Variants in AQP11 observed in about 807,000 individuals in gnomAD.
AQP11 encodes the protein aquaporin-11.
In AQP11, 20 loss-of-function variants were observed where a neutral mutation model predicts 21.1. That is an observed-to-expected ratio of 0.95 (90% confidence interval 0.67 to 1.38). The LOEUF is 1.38. Ranked by LOEUF, AQP11 falls within the 40% of genes most tolerant of loss-of-function variation. AQP11 has a pLI of 0.00. For synonymous variants in AQP11, 167 were observed against 150.1 expected, an observed-to-expected ratio of 1.11 and a Z score of -0.82; for missense variants, 339 against 340.4, an observed-to-expected ratio of 1.00 and a Z score of 0.03.
intron 1 of AQP11, among the ~76,000 whole-genome samples, chr11:77,596,570 A>ATATATATATATATATATATATTT (rs1244485699): frequency 7.4e-6 from 1 of 136,008 alleles, no homozygotes; most frequent in Non-Finnish European, 1.6e-5. Context: ...ATATGTATGT[A>ATATATATATATATATATATATTT]ATGGTTAAGG....
intron 1 of AQP11, among the ~76,000 whole-genome samples, chr11:77,595,030 T>TATG (rs773084603): frequency 1.3e-5 from 2 of 152,190 alleles, no homozygotes; most frequent in African/African-American, 2.4e-5. Context: ...ATTCATTTTT[T>TATG]ATGCATAATT....
intron 1 of AQP11, among the ~76,000 whole-genome samples, chr11:77,594,964 CCTTA>C (rs1339970716): frequency 1.3e-5 from 2 of 151,846 alleles, no homozygotes; most frequent in African/African-American, 4.8e-5. Context: ...AGCAAATCTT[CCTTA>C]CTTTGGGTTC....
In AQP11 at chr11:77,590,472, A is replaced by C; in HGVS notation, c.480A>C (p.Arg160=). The change falls in exon 1 of 3, where the codon CGA becomes CGC. Residue 160 remains arginine (R), a synonymous_variant. Coordinates refer to ENST00000313578, the MANE Select transcript of AQP11 (RefSeq NM_173039.3). Reference sequence around the variant, plus strand: ...GCTTCGCTTGCAAGAATCCCATCCGAGTCGACTTGCTCAAAGCGGTCATCA... The same window carrying C: ...GCTTCGCTTGCAAGAATCCCATCCGCGTCGACTTGCTCAAAGCGGTCATCA... ...ERSFACKNPI[R]VDLLKAVITE... 1.2e-6 allele frequency: 2 copies of C among 1,614,120 alleles called. No homozygotes were observed. The highest frequency in any genetic ancestry group is 1.7e-6 in the Non-Finnish European group (2 of 1,180,020).
intron 2 of AQP11, among the ~76,000 whole-genome samples, chr11:77,603,936 T>C (rs990380063): frequency 4.7e-5 from 5 of 105,524 alleles, no homozygotes; most frequent in African/African-American, 1.7e-4. Flanking sequence ...CCTTCAAAAA[T>C]AATCTTTTTT....
intron 1 of AQP11, among the ~76,000 whole-genome samples, chr11:77,596,892 T>C (rs1186479115): frequency 2.6e-5 from 4 of 151,754 alleles, no homozygotes; most frequent in Non-Finnish European, 5.9e-5. Context: ...GCCCTTAGGC[T>C]GAATACTTAT....
chr11:77,593,488 T>C (rs1269749156), intron 1 of AQP11, among the ~76,000 whole-genome samples: 1 of 152,016 alleles, frequency 6.6e-6, no homozygotes, highest in Non-Finnish European at 1.5e-5. Flanking sequence ...TACAAAAAAA[T>C]TAGCCAGGCA....
chr11:77,609,402 T>A lies in AQP11; in HGVS notation c.*25T>A. On this transcript the variant is annotated 3_prime_UTR_variant, in exon 3 of 3. Transcript: ENST00000313578. ...ACTGTTCCAAAGACTCAGACTAACA[T>A]ACAGGACAGTCCAGCTGGATGTGAT... 6.4e-7 allele frequency: 1 copy of A among 1,565,548 alleles called. No individual in the cohort carries two copies. Among genetic ancestry groups the A allele is most frequent in the Non-Finnish European group, 8.8e-7 (1 of 1,140,530 alleles).
chr11:77,599,825 A>G (rs900339347), intron 1 of AQP11, among the ~76,000 whole-genome samples: 9 of 151,992 alleles, frequency 5.9e-5, no homozygotes, highest in East Asian at 3.9e-4. Flanking sequence ...GACTCAACCA[A>G]TCCGCCCATC....
intron 1 of AQP11, among the ~76,000 whole-genome samples, chr11:77,591,471 G>A (rs1958747315): frequency 6.6e-6 from 1 of 152,150 alleles, no homozygotes; most frequent in Non-Finnish European, 1.5e-5. Context: ...AACAACAAAG[G>A]AAATTTGTGG....
Position 77,590,323 on chromosome 11 carries a change from G to A in AQP11, c.331G>A (p.Gly111Ser). The A allele has an allele frequency of 6.2e-7, 1 of 1,609,964 alleles. No homozygotes were observed. The highest frequency in any genetic ancestry group is 8.5e-7 in the Non-Finnish European group (1 of 1,177,042). ...CGTGATGATGCAGATGATGCTGGGG[G>A]GCATGTCCCCCGAGACGGGTGCGGT... ...CGVMMQMMLG[G>S]MSPETGAVRL... Residue 111 changes from glycine (G) to serine (S), a missense_variant, in exon 1 of 3, where the codon GGC (glycine) becomes AGC (serine). Coordinates refer to ENST00000313578, the MANE Select transcript of AQP11 (RefSeq NM_173039.3).
At chr11:77,602,155 A>T (rs1002487101) in intron 1 of AQP11, among the ~76,000 whole-genome samples, 1 of 152,226 alleles carries the variant, frequency 6.6e-6, no homozygotes, top group Non-Finnish European at 1.5e-5. Context: ...TTAGGATGGC[A>T]TAAGACTGAT....
chr11:77,603,762 G>C (rs1958829086), intron 2 of AQP11, 90 bp downstream of exon 2: 1 of 906,050 alleles, frequency 1.1e-6, no homozygotes, highest in Non-Finnish European at 1.6e-6. Flanking sequence ...AATTTCCAAA[G>C]CCACAGCAGG....
chr11:77,604,653 TA>T, intron 2 of AQP11, among the ~76,000 whole-genome samples: 1 of 152,282 alleles, frequency 6.6e-6, no homozygotes, highest in Non-Finnish European at 1.5e-5. Flanking sequence ...GGAAGTGCCA[TA>T]ACAGGTTTGA....
At chr11:77,590,902 G>C (rs1958743939) in intron 1 of AQP11, 1 of 985,272 alleles carries the variant, frequency 1.0e-6, no homozygotes, top group Non-Finnish European at 1.2e-6. Context: ...TTGTTTTAAT[G>C]GTAGAAAGGA....
rs572017508 is a variant in AQP11 at position 77,602,187 on chromosome 11, T to C, written c.620-1369T>C. Among the ~76,000 whole-genome samples, 7 of 152,320 alleles carry C rather than the reference T, an allele frequency of 4.6e-5. No individual in the cohort carries two copies. In the South Asian group the frequency reaches 1.4e-3, roughly 32 times the overall value. On this transcript the variant is annotated intron_variant, in intron 1 of 2. Transcript: ENST00000313578. ...TGATCAGTGGTGTTCATCTTAGATC[T>C]AGTGGAAAATCTTCAGTATACCATG...
At chr11:77,599,342 C>A (rs1172231105) in intron 1 of AQP11, among the ~76,000 whole-genome samples, 1 of 152,164 alleles carries the variant, frequency 6.6e-6, no homozygotes, top group Admixed American at 6.5e-5. Flanking sequence ...CATAGGTATA[C>A]ATGTGCCATG....
At chr11:77,606,989 C>T (rs1958850418) in intron 2 of AQP11, among the ~76,000 whole-genome samples, 1 of 152,152 alleles carries the variant, frequency 6.6e-6, no homozygotes, top group Non-Finnish European at 1.5e-5. Context: ...AGGACCCCTA[C>T]CTTTTAAAAT....
intron 1 of AQP11, among the ~76,000 whole-genome samples, chr11:77,593,413 A>G (rs550792605): frequency 3.9e-5 from 6 of 152,360 alleles, no homozygotes; most frequent in African/African-American, 4.8e-5. Context: ...AGGCGGGCAG[A>G]TCACGAGGTC....
At position 77,590,231 on chromosome 11, in the gene AQP11, C is replaced by T. The variant is rs1259629963; in HGVS notation, c.239C>T (p.Thr80Met). 4 of 1,594,636 alleles carry T rather than the reference C, an allele frequency of 2.5e-6. No individual in the cohort carries two copies. The highest frequency in any genetic ancestry group is 1.3e-5 in the African/African-American group (1 of 74,632). ...CCCGCGCACCCCACCTGGACGCTGA[C>T]GCTCGTCTACTTCTTCTCGCTTGTG... ...QHPAHPTWTL[T>M]LVYFFSLVHG... Residue 80 changes from threonine to methionine, a missense_variant, in exon 1 of 3, where the codon ACG becomes ATG. Transcript: ENST00000313578.
Sources: allele counts gnomAD v4.1 joint callset (sites outside exome capture counted in the v4.1 genomes callset), GRCh38; gene constraint gnomAD v4.1.1; transcripts MANE v1.5; gene names NCBI Gene and HGNC (gene_info 2026-07-23, HGNC 2026-07-21).